ANKRD46: variants seen among roughly 807,000 people sequenced by gnomAD.
The protein encoded by ANKRD46 is ankyrin repeat domain 46.
In ANKRD46, 13 loss-of-function variants were observed where a neutral mutation model predicts 19.8. That is an observed-to-expected ratio of 0.66 (90% CI 0.43 to 1.04). The LOEUF is 1.04. ANKRD46 is among the 50% of genes least tolerant of loss of function. The pLI, the probability that ANKRD46 is intolerant of heterozygous loss-of-function variation, is 0.00. For synonymous variants in ANKRD46, 91 were observed against 106.9 expected (o/e 0.85, Z 0.92); for missense variants, 185 against 274.8 (o/e 0.67, Z 2.31).
intron 4 of ANKRD46, among the ~76,000 whole-genome samples, chr8:100,523,276 G>T (rs1426116886): frequency 6.6e-6 from 1 of 151,908 alleles, no homozygotes; most frequent in Non-Finnish European, 1.5e-5. Flanking sequence ...GATTCAAAGT[G>T]CAGACTCATA....
chr8:100,515,940 C>T (rs1382056885), downstream of ANKRD46, among the ~76,000 whole-genome samples: 2 of 150,952 alleles, frequency 1.3e-5, no homozygotes, highest in Non-Finnish European at 2.9e-5. Flanking sequence ...GGCATGATCT[C>T]AGCTCACTGC....
chr8:100,546,760 G>C lies in ANKRD46; in HGVS notation c.-131+12951C>G, dbSNP rs1280828284. Among the ~76,000 whole-genome samples the C allele has an allele frequency of 6.6e-6, 1 of 152,216 alleles. No individual in the cohort carries two copies. The highest frequency in any genetic ancestry group is 1.5e-5 in the Non-Finnish European group (1 of 68,038). On this transcript the variant is annotated intron_variant, in intron 1 of 4. Transcript: ENST00000335659. The surrounding 1 kb of genome is among the most constrained non-coding windows in gnomAD (Gnocchi z 4.0). ...GAAAAGCCACAAGCATTTAATGCCAGCCCATGAAAGCAGCCACAGGGACAA... is the reference window on the plus strand; with the variant it reads ...GAAAAGCCACAAGCATTTAATGCCACCCCATGAAAGCAGCCACAGGGACAA...
chr8:100,542,646 G>A (rs1393744884), intron 1 of ANKRD46, among the ~76,000 whole-genome samples: 3 of 152,048 alleles, frequency 2.0e-5, no homozygotes, highest in Non-Finnish European at 4.4e-5. Flanking sequence ...TTGAGAGTAG[G>A]AAGTACATGC....
At chr8:100,556,494 G>C (rs1812503621) in intron 1 of ANKRD46, 1 of 152,172 alleles carries the variant, frequency 6.6e-6, no homozygotes, top group Non-Finnish European at 1.5e-5. Context: ...AGTAGCTTAA[G>C]CTGGAAATAA....
chr8:100,520,396 C>T (rs1425287939), downstream of ANKRD46, among the ~76,000 whole-genome samples: 1 of 152,096 alleles, frequency 6.6e-6, no homozygotes, highest in African/African-American at 2.4e-5. Flanking sequence ...AATCTGGAAT[C>T]CCTCTTCCAC....
Position 100,525,657 on chromosome 8 carries a change from G to A in ANKRD46, c.470+2188C>T, listed in dbSNP as rs1046709885. Among the ~76,000 whole-genome samples the A allele has an allele frequency of 1.8e-4, 28 of 152,194 alleles. No individual in the cohort carries two copies. Among genetic ancestry groups the A allele is most frequent in the Non-Finnish European group, 3.2e-4 (22 of 68,012 alleles). The stretch of plus-strand genomic sequence containing the variant: ...TCCTTCATCAGCTGATGGATATCTG[G>A]GTGGTATCAATGTTTTGGCTATTAT... On this transcript the variant is annotated intron_variant, in intron 4 of 4. Transcript: ENST00000335659. The surrounding 1 kb of genome is among the most constrained non-coding windows in gnomAD (Gnocchi z 4.4).
Position 100,534,824 on chromosome 8 carries a change from C to A in ANKRD46, c.-130-1513G>T, listed in dbSNP as rs553564566. On this transcript the variant is annotated intron_variant, in intron 1 of 4. Transcript: ENST00000335659. The surrounding 1 kb of genome is among the most constrained non-coding windows in gnomAD (Gnocchi z 4.2). ...TCACTCTGTCGCTGGTGCCGGAGTG[C>A]AGTGGTGCAATCTCGACTCACCTGC... 6.6e-5 allele frequency among the ~76,000 whole-genome samples: 10 copies of A among 152,258 alleles called. No individual in the cohort carries two copies. The South Asian group carries it at 2.1e-3, about 32-fold the overall frequency.
At chr8:100,522,894 CACACACACACATAT>C (rs900132359) in intron 4 of ANKRD46, 123 bp from the exon 5 acceptor site, 126 of 572,130 alleles carry the variant, frequency 2.2e-4, no homozygotes, top group African/African-American at 8.3e-4. Flanking sequence ...CACACACACA[CACACACACACATAT>C]ATATATATAC....
In ANKRD46 at chr8:100,537,158, G is replaced by A. The variant is rs976917424; in HGVS notation, c.-130-3847C>T. 1.3e-5 allele frequency among the ~76,000 whole-genome samples: 2 copies of A among 152,090 alleles called. No individual in the cohort carries two copies. Among genetic ancestry groups the A allele is most frequent in the Non-Finnish European group, 2.9e-5 (2 of 68,018 alleles). ...TATAATAGTATTCTTAATGGTTAAG[G>A]ACTAATGGAGAGAATATATATACTT... is the stretch of plus-strand genomic sequence containing the variant. On this transcript the variant is annotated intron_variant, in intron 1 of 4. Coordinates refer to ENST00000335659, the MANE Select transcript of ANKRD46 (RefSeq NM_001270377.2). The surrounding 1 kb of genome is among the most constrained non-coding windows in gnomAD (Gnocchi z 4.2).
downstream of ANKRD46, chr8:100,520,741 T>TAAAAAAAAAAAAAAAAAAA (rs5893523): frequency 2.2e-5 from 15 of 677,880 alleles, 1 homozygote; most frequent in Admixed American, 8.1e-5. Context: ...TATAATACAC[T>TAAAAAAAAAAAAAAAAAAA]AAAAAAAAAA....
chr8:100,529,508 CA>C lies in ANKRD46; in HGVS notation c.311+14del. 6.2e-7 allele frequency: 1 copy of C among 1,600,274 alleles called. No homozygotes were observed. The highest frequency in any genetic ancestry group is 8.5e-7 in the Non-Finnish European group (1 of 1,170,882). On this transcript the variant is annotated intron_variant, in intron 3 of 4. Coordinates refer to ENST00000335659, the MANE Select transcript of ANKRD46 (RefSeq NM_001270377.2). This position sits in a 1 kb window ranked among gnomAD's most constrained non-coding sequence, Gnocchi z 5.8. ...GGAAGAAATGACTAGACTTCTAAAA[CA>C]ACAGAGAACTTACCAAATATCAATT...
rs537057497 is a variant in ANKRD46, at chr8:100,537,512, GCTTATT to G, written c.-130-4207_-130-4202del. On this transcript the variant is annotated intron_variant, in intron 1 of 4. Coordinates refer to ENST00000335659, the MANE Select transcript of ANKRD46 (RefSeq NM_001270377.2). The surrounding 1 kb of genome is among the most constrained non-coding windows in gnomAD (Gnocchi z 4.2). The stretch of plus-strand genomic sequence containing the variant: ...CCCCCAAATCTAGATTCTATCACTT[GCTTATT>G]CTTATCCTTTTAAGAGGATACAGCT... Among the ~76,000 whole-genome samples the G allele has an allele frequency of 3.3e-5, 5 of 152,280 alleles. No homozygotes were observed. Among genetic ancestry groups the G allele is most frequent in the African/African-American group, 1.2e-4 (5 of 41,548 alleles).
At chr8:100,555,722 TAAAAAAAAAAAAAAAAAAAAAAAA>T (rs59521764) in intron 1 of ANKRD46, among the ~76,000 whole-genome samples, 10 of 53,306 alleles carry the variant, frequency 1.9e-4, no homozygotes, top group South Asian at 1.2e-3. Flanking sequence ...TTTCCTCAGC[TAAAAAAAAAAAAAAAAAAAAAAAA>T]AAAAAAAAAA....
In ANKRD46 at chr8:100,520,783, A is replaced by G. The variant is rs1811709352; in HGVS notation, c.*1772T>C. 1.0e-6 allele frequency: 1 copy of G among 977,144 alleles called. No individual in the cohort carries two copies. The allele number at this position is 977,144 out of a possible 1,614,324, so 60.5% of individuals were successfully genotyped here. Reference sequence around the variant, plus strand: ...AAGAGAAATCGTGATTAAGGGATATATAAATACATTTATTGGTGGTATTCC... The same window carrying G: ...AAGAGAAATCGTGATTAAGGGATATGTAAATACATTTATTGGTGGTATTCC... On this transcript the variant is annotated 3_prime_UTR_variant, in exon 5 of 5. Coordinates refer to ENST00000335659, the MANE Select transcript of ANKRD46 (RefSeq NM_001270377.2).
chr8:100,551,071 A>T, intron 1 of ANKRD46: 1 of 510,834 alleles, frequency 2.0e-6, no homozygotes, highest in Admixed American at 2.2e-5. Context: ...GGCCTTGCCC[A>T]CAGCCTTGGC....
At position 100,550,596 on chromosome 8, in the gene ANKRD46, C is replaced by T; in HGVS notation, c.-131+9115G>A. 5.2e-6 allele frequency: 1 copy of T among 191,092 alleles called. No homozygotes were observed. The highest frequency in any genetic ancestry group is 1.0e-5 in the Non-Finnish European group (1 of 95,712). The allele number at this position is 191,092 out of a possible 1,614,324, so 11.8% of individuals were successfully genotyped here. On this transcript the variant is annotated intron_variant, in intron 1 of 4. Coordinates refer to ENST00000335659, the MANE Select transcript of ANKRD46 (RefSeq NM_001270377.2). This position sits in a 1 kb window ranked among gnomAD's most constrained non-coding sequence, Gnocchi z 4.4. ...GACAAGATAGAGCTCTTTGTGGGGTCTGCATGGAAACTGTGAAGAGGGGAG... is the reference window on the plus strand; with the variant it reads ...GACAAGATAGAGCTCTTTGTGGGGTTTGCATGGAAACTGTGAAGAGGGGAG...
At position 100,550,743 on chromosome 8, in the gene ANKRD46, T is replaced by C; in HGVS notation, c.-131+8968A>G. 2 of 425,034 alleles carry C rather than the reference T, an allele frequency of 4.7e-6. No individual in the cohort carries two copies. The highest frequency in any genetic ancestry group is 9.1e-6 in the Non-Finnish European group (2 of 218,706). The allele number at this position is 425,034 out of a possible 1,614,324, so 26.3% of individuals were successfully genotyped here. A position where few individuals can be genotyped will look rare whatever the true frequency, so the allele number is the denominator to read the frequency against. On this transcript the variant is annotated intron_variant, in intron 1 of 4. Coordinates refer to ENST00000335659, the MANE Select transcript of ANKRD46 (RefSeq NM_001270377.2). The surrounding 1 kb of genome is among the most constrained non-coding windows in gnomAD (Gnocchi z 4.4). ...GCAGTCTTACTCCTTGGAGGCCATATGGGCCACCACCCTGTTGCTGTAGCC... is the reference window on the plus strand; with the variant it reads ...GCAGTCTTACTCCTTGGAGGCCATACGGGCCACCACCCTGTTGCTGTAGCC...
Position 100,532,152 on chromosome 8 carries a change from T to A in ANKRD46, c.-28+1057A>T, listed in dbSNP as rs1173028427. On this transcript the variant is annotated intron_variant, in intron 2 of 4. Coordinates refer to ENST00000335659, the MANE Select transcript of ANKRD46 (RefSeq NM_001270377.2). This position sits in a 1 kb window ranked among gnomAD's most constrained non-coding sequence, Gnocchi z 4.7. ...GATTAAAATCAAAATAAACTTCAGATTATGATACATATGATGACTTTTTAA... is the reference window on the plus strand; with the variant it reads ...GATTAAAATCAAAATAAACTTCAGAATATGATACATATGATGACTTTTTAA... 2.6e-5 allele frequency among the ~76,000 whole-genome samples: 4 copies of A among 152,142 alleles called. No homozygotes were observed. The highest frequency in any genetic ancestry group is 5.9e-5 in the Non-Finnish European group (4 of 68,028).
At position 100,532,335 on chromosome 8, in the gene ANKRD46, G is replaced by A. The variant is rs1292960223; in HGVS notation, c.-28+874C>T. 2 of 152,016 alleles carry A rather than the reference G, an allele frequency of 1.3e-5. No homozygotes were observed. Among genetic ancestry groups the A allele is most frequent in the African/African-American group, 4.8e-5 (2 of 41,370 alleles). The allele number at this position is 152,016 out of a possible 1,614,324, so 9.4% of individuals were successfully genotyped here. A position where few individuals can be genotyped will look rare whatever the true frequency, so the allele number is the denominator to read the frequency against. On this transcript the variant is annotated intron_variant, in intron 2 of 4. Transcript: ENST00000335659. The surrounding 1 kb of genome is among the most constrained non-coding windows in gnomAD (Gnocchi z 4.7). ...TATTTTAAAATTAGCCAGGCATGGTGGCGCGCGCCTTTCGTCCCACCTGTT... is the reference window on the plus strand; with the variant it reads ...TATTTTAAAATTAGCCAGGCATGGTAGCGCGCGCCTTTCGTCCCACCTGTT...
Sources: allele counts gnomAD v4.1 joint callset (sites outside exome capture counted in the v4.1 genomes callset), GRCh38; gene constraint gnomAD v4.1.1; non-coding constraint Gnocchi (gnomAD v3.1); transcripts MANE v1.5; gene names NCBI Gene and HGNC (gene_info 2026-07-23, HGNC 2026-07-21).